The following GALNT13 variants were observed in gnomAD, a reference collection of about 807,000 sequenced individuals.
GALNT13 encodes polypeptide N-acetylgalactosaminyltransferase 13.
In GALNT13, 28 loss-of-function variants were observed where a neutral mutation model predicts 64.2. The ratio of observed to expected loss-of-function variants is 0.44; its 90% CI spans 0.32 to 0.60. The LOEUF (loss-of-function observed/expected upper bound fraction) is 0.60, where lower values mean the gene tolerates loss of function less well. Ranked by LOEUF, GALNT13 falls within the 20% of genes least tolerant of loss-of-function variation. The pLI, the probability that GALNT13 is intolerant of heterozygous loss-of-function variation, is 0.05. For synonymous variants in GALNT13, 214 were observed against 224.6 expected, an observed-to-expected ratio of 0.95 and a Z score of 0.42; for missense variants, 577 against 669.8, an observed-to-expected ratio of 0.86 and a Z score of 1.53.
At chr2:153,587,728 T>A in the GALNT13 span, among the ~76,000 whole-genome samples, 6 of 152,294 alleles carry the variant, frequency 3.9e-5, no homozygotes, top group East Asian at 1.2e-3. Context: ...GCCCCTCCCA[T>A]ATCTCATGTC....
chr2:153,778,180 G>T, the GALNT13 span, among the ~76,000 whole-genome samples: 1 of 152,142 alleles, frequency 6.6e-6, no homozygotes, highest in Admixed American at 6.5e-5. Flanking sequence ...TCCTCTCGAT[G>T]TCCAGCTGTC....
intron 1 of GALNT13, among the ~76,000 whole-genome samples, chr2:153,882,754 A>G (rs1686867264): frequency 6.6e-6 from 1 of 151,602 alleles, no homozygotes; most frequent in Non-Finnish European, 1.5e-5. Flanking sequence ...TTAGCCTCCC[A>G]AGGAAGCAGG....
chr2:154,436,246 A>G (rs958936527), intron 11 of GALNT13: 3 of 152,198 alleles, frequency 2.0e-5, no homozygotes, highest in African/African-American at 7.2e-5. Context: ...TAAGTGCAGA[A>G]ACTGTTCTAC....
At chr2:153,366,283 T>C in the GALNT13 span, among the ~76,000 whole-genome samples, 12 of 152,194 alleles carry the variant, frequency 7.9e-5, no homozygotes, top group South Asian at 2.5e-3. Flanking sequence ...GACTAATAGC[T>C]AATGCATGCA....
the GALNT13 span, among the ~76,000 whole-genome samples, chr2:153,803,127 G>A: frequency 6.6e-6 from 1 of 152,128 alleles, no homozygotes; most frequent in Non-Finnish European, 1.5e-5. Flanking sequence ...CCACTGGTAA[G>A]CTCAGTGTTC....
chr2:153,491,341 G>A, the GALNT13 span, among the ~76,000 whole-genome samples: 1 of 151,972 alleles, frequency 6.6e-6, no homozygotes, highest in Non-Finnish European at 1.5e-5. Context: ...AAGAAGATTT[G>A]AGCTAATAAC....
At chr2:153,208,498 T>TC in the GALNT13 span, among the ~76,000 whole-genome samples, 1 of 151,668 alleles carries the variant, frequency 6.6e-6, no homozygotes, top group African/African-American at 2.4e-5. Flanking sequence ...GATTTTTTTT[T>TC]CACTGCCAAA....
the GALNT13 span, among the ~76,000 whole-genome samples, chr2:153,420,331 G>T: frequency 6.6e-6 from 1 of 152,060 alleles, no homozygotes; most frequent in Non-Finnish European, 1.5e-5. Context: ...AAGAATTAAA[G>T]CATTTTCATT....
At chr2:153,212,620 G>T in the GALNT13 span, among the ~76,000 whole-genome samples, 126,276 of 152,172 alleles carry the variant, frequency 0.83, 53,569 homozygotes, top group African/African-American at 0.91. Context: ...AGATTTGAAA[G>T]GATGCTAGAA....
At chr2:154,120,263 G>A (rs977550977) in intron 3 of GALNT13, among the ~76,000 whole-genome samples, 1 of 152,136 alleles carries the variant, frequency 6.6e-6, no homozygotes, top group East Asian at 1.9e-4. Context: ...CATAGCTTCT[G>A]TCTCAGGACT....
At chr2:154,378,554 G>C (rs1452353027) in intron 9 of GALNT13, among the ~76,000 whole-genome samples, 1 of 152,092 alleles carries the variant, frequency 6.6e-6, no homozygotes, top group Non-Finnish European at 1.5e-5. Flanking sequence ...GCAGACCGCA[G>C]ATTGGTTGCA....
chr2:153,409,012 A>G, the GALNT13 span, among the ~76,000 whole-genome samples: 1 of 152,066 alleles, frequency 6.6e-6, no homozygotes, highest in Non-Finnish European at 1.5e-5. Context: ...CCTGTGCTGG[A>G]TGTTTCCTGC....
intron 10 of GALNT13, among the ~76,000 whole-genome samples, chr2:154,408,100 A>G (rs1699635360): frequency 6.6e-6 from 1 of 152,128 alleles, no homozygotes; most frequent in Non-Finnish European, 1.5e-5. Flanking sequence ...GTGGACAAGC[A>G]TAAATACATA....
At chr2:153,101,193 A>G in the GALNT13 span, among the ~76,000 whole-genome samples, 2 of 152,144 alleles carry the variant, frequency 1.3e-5, no homozygotes, top group African/African-American at 4.8e-5. Flanking sequence ...CCAGAACACA[A>G]TTGCTTTGTG....
the GALNT13 span, among the ~76,000 whole-genome samples, chr2:153,746,004 G>A: frequency 6.6e-6 from 1 of 152,162 alleles, no homozygotes. Context: ...TGGTTTCCCA[G>A]AATGCAATAG....
the GALNT13 span, among the ~76,000 whole-genome samples, chr2:153,093,657 G>T: frequency 6.6e-6 from 1 of 152,076 alleles, no homozygotes; most frequent in African/African-American, 2.4e-5. Flanking sequence ...ATGTGTGTTT[G>T]TCTGGTTTTA....
the GALNT13 span, among the ~76,000 whole-genome samples, chr2:153,077,890 T>A: frequency 1.3e-5 from 2 of 152,240 alleles, no homozygotes; most frequent in Non-Finnish European, 2.9e-5. Flanking sequence ...TAATTTTGCT[T>A]TAACAAATCA....
At chr2:153,723,338 GC>G in the GALNT13 span, among the ~76,000 whole-genome samples, 1 of 150,594 alleles carries the variant, frequency 6.6e-6, no homozygotes, top group Non-Finnish European at 1.5e-5. Flanking sequence ...CAAACCCACA[GC>G]CAATATCATA....
At chr2:153,124,153 C>G in the GALNT13 span, among the ~76,000 whole-genome samples, 3 of 152,174 alleles carry the variant, frequency 2.0e-5, no homozygotes, top group Non-Finnish European at 4.4e-5. Flanking sequence ...GTCCAACAAC[C>G]TGCAAGGTAC....
Sources: gnomAD v4.1 joint callset for allele counts (sites outside exome capture counted in the v4.1 genomes callset) on GRCh38, gnomAD v4.1.1 for gene constraint, MANE v1.5 for transcripts, NCBI Gene and HGNC (gene_info 2026-07-23, HGNC 2026-07-21) for gene names.